RNF19A: variants seen among roughly 807,000 people sequenced by gnomAD.
RNF19A encodes E3 ubiquitin-protein ligase RNF19A.
A neutral mutation model predicts 75.7 loss-of-function variants in RNF19A; 32 were observed. That is an observed-to-expected ratio of 0.42 (90% CI 0.32 to 0.57). The LOEUF is 0.57. Ranked by LOEUF, RNF19A falls within the 20% of genes least tolerant of loss-of-function variation. The pLI, the probability that RNF19A is intolerant of heterozygous loss-of-function variation, is 0.10. For missense variants in RNF19A, 782 were observed against 1,036.3 expected (o/e 0.75, Z 3.37); for synonymous variants, 335 against 345.2 (o/e 0.97, Z 0.33).
intron 1 of RNF19A, among the ~76,000 whole-genome samples, chr8:100,296,322 C>G (rs1329919091): frequency 1.3e-5 from 2 of 152,124 alleles, no homozygotes; most frequent in Non-Finnish European, 2.9e-5. Context: ...CCAGGCTGGT[C>G]TTGAACTCCT....
At chr8:100,281,418 T>C (rs553823041) in intron 2 of RNF19A, among the ~76,000 whole-genome samples, 1 of 151,700 alleles carries the variant, frequency 6.6e-6, no homozygotes, top group South Asian at 2.1e-4. Flanking sequence ...TTTACTTAAA[T>C]TAAGTCATTT....
rs1820135872 is a variant in RNF19A, at chr8:100,269,150, ATATTT to A, written c.1029-208_1029-204del. ...ATATTGATATATCTTATTTTATATTATATTTTATTATTTAATCTATATTATATTAA... is the reference window on the plus strand; with the variant it reads ...ATATTGATATATCTTATTTTATATTATATTATTTAATCTATATTATATTAA... On this transcript the variant is annotated intron_variant, in intron 4 of 9. Transcript: ENST00000341084. The surrounding 1 kb of genome is among the most constrained non-coding windows in gnomAD (Gnocchi z 5.7). Among the ~76,000 whole-genome samples the A allele has an allele frequency of 6.7e-6, 1 of 150,166 alleles. No homozygotes were observed. Among genetic ancestry groups the A allele is most frequent in the East Asian group, 1.9e-4 (1 of 5,172 alleles).
intron 2 of RNF19A, among the ~76,000 whole-genome samples, chr8:100,283,516 G>C (rs1232339299): frequency 6.6e-6 from 1 of 152,140 alleles, no homozygotes; most frequent in Non-Finnish European, 1.5e-5. Context: ...CCTCAAGTGG[G>C]ATTTTTAGAA....
chr8:100,334,275 T>C (rs1266867302), intron 1 of RNF19A, among the ~76,000 whole-genome samples: 2 of 152,220 alleles, frequency 1.3e-5, no homozygotes, highest in Non-Finnish European at 2.9e-5. Context: ...TTCAACTATT[T>C]TGAAAGCTCT....
chr8:100,334,974 A>C (rs1436553503), intron 1 of RNF19A, among the ~76,000 whole-genome samples: 1 of 152,188 alleles, frequency 6.6e-6, no homozygotes, highest in African/African-American at 2.4e-5. Context: ...ATAAGCTCAG[A>C]TCTCCCCAAA....
rs748233329 is a variant in RNF19A at position 100,261,806 on chromosome 8, T to C, written c.1469-51A>G. 3.2e-6 allele frequency: 5 copies of C among 1,554,284 alleles called. No individual in the cohort carries two copies. The East Asian group carries it at 1.1e-4, about 35-fold the overall frequency. On this transcript the variant is annotated intron_variant, in intron 7 of 9. Coordinates refer to ENST00000341084, the MANE Select transcript of RNF19A (RefSeq NM_183419.4). This position sits in a 1 kb window ranked among gnomAD's most constrained non-coding sequence, Gnocchi z 4.4. Reference sequence around the variant, plus strand: ...TAAGTAAGTATGATTATCAATTTTCTCCTTCTTAAATTCCTCCATGATTTC... The same window carrying C: ...TAAGTAAGTATGATTATCAATTTTCCCCTTCTTAAATTCCTCCATGATTTC...
At chr8:100,310,110 C>A, upstream of RNF19A, 3 of 985,592 alleles carry the variant, frequency 3.0e-6, no homozygotes, top group Non-Finnish European at 3.6e-6. Flanking sequence ...ACCTCCCCCT[C>A]CCGCAGCCCC....
intron 3 of RNF19A, among the ~76,000 whole-genome samples, chr8:100,274,231 T>C (rs1253775239): frequency 2.0e-5 from 3 of 152,136 alleles, no homozygotes; most frequent in Non-Finnish European, 2.9e-5. Flanking sequence ...GACCAATAAA[T>C]ACACACCCCC....
chr8:100,308,771 T>C (rs897238442), intron 1 of RNF19A, among the ~76,000 whole-genome samples: 4 of 152,234 alleles, frequency 2.6e-5, no homozygotes, highest in African/African-American at 9.6e-5. Context: ...CTCTACTGTT[T>C]ACTAACACTT....
intron 2 of RNF19A, among the ~76,000 whole-genome samples, chr8:100,283,816 A>ATAT (rs1820893150): frequency 6.6e-6 from 1 of 152,228 alleles, no homozygotes; most frequent in Non-Finnish European, 1.5e-5. Context: ...TATATAATAA[A>ATAT]AGGGTTAAAT....
At position 100,268,844 on chromosome 8, in the gene RNF19A, T is replaced by A; in HGVS notation, c.1132A>T (p.Ile378Leu). 6.2e-7 allele frequency: 1 copy of A among 1,602,486 alleles called. No homozygotes were observed. Residue 378 changes from isoleucine (I) to leucine (L), a missense_variant, in exon 5 of 10, where the codon ATA (isoleucine) becomes TTA (leucine). By Grantham distance (5) the Ile-to-Leu change is conservative (BLOSUM62 2). Around this residue, in one of 7 missense-constraint regions of RNF19A, gnomAD observed 41 missense variants for 75.9 expected, o/e 0.54. Coordinates refer to ENST00000341084, the MANE Select transcript of RNF19A (RefSeq NM_183419.4). ...LVGAPVGIAL[I>L]AGIAIPAMII... Reference sequence around the variant, plus strand: ...ATTGCAGGAATAGCAATGCCAGCTATTAAAGCGATTCCGACAGGAGCACCA... The same window carrying A: ...ATTGCAGGAATAGCAATGCCAGCTAATAAAGCGATTCCGACAGGAGCACCA...
At chr8:100,288,355 T>C (rs1165826171) in intron 1 of RNF19A, 88 bp from the exon 2 acceptor site, 2 of 945,748 alleles carry the variant, frequency 2.1e-6, no homozygotes, top group African/African-American at 1.7e-5. Context: ...CAAACAAGTA[T>C]GTTTCTTAAC....
chr8:100,321,680 T>C (rs945461967), intron 1 of RNF19A, among the ~76,000 whole-genome samples: 2 of 152,264 alleles, frequency 1.3e-5, no homozygotes, highest in African/African-American at 4.8e-5. Context: ...ATGGAAGCTA[T>C]AGCCTTACAA....
In RNF19A at chr8:100,269,989, C is replaced by A; in HGVS notation, c.908G>T (p.Arg303Leu). Residue 303 changes from arginine (R) to leucine (L), a missense_variant, in exon 4 of 10, where the codon CGA becomes CTA. Transcript: ENST00000341084. This position sits in a 1 kb window ranked among gnomAD's most constrained non-coding sequence, Gnocchi z 5.7. ...AAADDIKPCP[R>L]CAAYIIKMND... ...CATCTTTATTATATAAGCAGCACAT[C>A]GTGGACATGGCTTTATATCATCAGC... The A allele has an allele frequency of 6.2e-7, 1 of 1,603,030 alleles. No homozygotes were observed. The highest frequency in any genetic ancestry group is 8.5e-7 in the Non-Finnish European group (1 of 1,174,984).
In RNF19A at chr8:100,292,435, GGTGT is replaced by G. The variant is rs1554671903; in HGVS notation, c.-93-4172_-93-4169del. On this transcript the variant is annotated intron_variant, in intron 1 of 9. Coordinates refer to ENST00000341084, the MANE Select transcript of RNF19A (RefSeq NM_183419.4). Reference sequence around the variant, plus strand: ...TAATAAAGAGGCTTGCTATCATATGGGTGTGTGTGTGTGTGTGTGTGTGTGTGTG... The same window carrying G: ...TAATAAAGAGGCTTGCTATCATATGGGTGTGTGTGTGTGTGTGTGTGTGTG... 1.9e-3 allele frequency among the ~76,000 whole-genome samples: 275 copies of G among 145,414 alleles called. No homozygotes were observed. In the Middle Eastern group the frequency reaches 0.028, roughly 15 times the overall value.
In RNF19A at chr8:100,291,967, CTTT is replaced by C. The variant is rs56737985; in HGVS notation, c.-93-3703_-93-3701del. 3.8e-3 allele frequency among the ~76,000 whole-genome samples: 380 copies of C among 99,984 alleles called. 1 individual carries two copies. The highest frequency in any genetic ancestry group is 0.013 in the African/African-American group (338 of 26,714). The allele number at this position is 99,984 out of a possible 152,430, so 65.6% of individuals were successfully genotyped here. On this transcript the variant is annotated intron_variant, in intron 1 of 9. Transcript: ENST00000341084. ...CTGTTGAACAGAAAGAGGACTAAGT[CTTT>C]TTTTTTTTTTTTTTTTTTTCAAGTA...
intron 3 of RNF19A, among the ~76,000 whole-genome samples, chr8:100,271,633 C>T (rs982673490): frequency 2.6e-5 from 4 of 152,114 alleles, no homozygotes; most frequent in Non-Finnish European, 4.4e-5. Context: ...TTTTAATATG[C>T]TAAAATCACA....
chr8:100,285,981 T>G (rs921205186), intron 2 of RNF19A, among the ~76,000 whole-genome samples: 1 of 151,504 alleles, frequency 6.6e-6, no homozygotes, highest in East Asian at 1.9e-4. Context: ...TCACAAAAAG[T>G]TTTTTTAAAA....
At chr8:100,296,964 C>T (rs1346760403) in intron 1 of RNF19A, among the ~76,000 whole-genome samples, 1 of 152,150 alleles carries the variant, frequency 6.6e-6, no homozygotes, top group Admixed American at 6.5e-5. Flanking sequence ...CCACAGTAAC[C>T]CATCACATGT....
Sources: allele counts gnomAD v4.1 joint callset (sites outside exome capture counted in the v4.1 genomes callset), GRCh38; gene constraint gnomAD v4.1.1; regional missense constraint gnomAD v4.1.1; non-coding constraint Gnocchi (gnomAD v3.1); transcripts MANE v1.5; gene names NCBI Gene and HGNC (gene_info 2026-07-23, HGNC 2026-07-21).